Variants in IL4I1 observed in about 807,000 individuals in gnomAD.
IL4I1 encodes interleukin 4 induced 1.
In IL4I1, 24 loss-of-function variants were observed where a neutral mutation model predicts 29.7. The ratio of observed to expected loss-of-function variants is 0.81; its 90% CI spans 0.59 to 1.14. IL4I1 has a LOEUF of 1.14. Ranked by LOEUF, IL4I1 falls within the 50% of genes most tolerant of loss-of-function variation. IL4I1 has a pLI of 0.00. For synonymous variants in IL4I1, 371 were observed against 352.5 expected (o/e 1.05, Z -0.59); for missense variants, 686 against 785.6 (o/e 0.87, Z 1.52).
At position 49,890,947 on chromosome 19, in the gene IL4I1, CTGCCCGCCA is replaced by C; in HGVS notation, c.773+15_773+23del. 1.6e-6 allele frequency: 1 copy of C among 618,566 alleles called. No individual in the cohort carries two copies. Among genetic ancestry groups the C allele is most frequent in the Non-Finnish European group, 2.2e-6 (1 of 461,558 alleles). 38.3% of individuals were successfully genotyped at this position (618,566 alleles called of 1,614,324 possible). A position where few individuals can be genotyped will look rare whatever the true frequency, so the allele number is the denominator to read the frequency against. ...CCTGATTGCCCCCCGCCCCCCCCCC[CTGCCCGCCA>C]GCCCCGCCCCTTACTGGAGTCTGTC... is the stretch of plus-strand genomic sequence containing the variant. On this transcript the variant is annotated intron_variant, in intron 7 of 7. Transcript: ENST00000391826.
chr19:49,923,966 G>A (rs1350108224), intron 2 of IL4I1, among the ~76,000 whole-genome samples: 2 of 152,238 alleles, frequency 1.3e-5, no homozygotes, highest in African/African-American at 2.4e-5. Flanking sequence ...TGCAAAACTC[G>A]GAGCCTTTTC....
At chr19:49,908,593 G>C (rs1161885219) in intron 2 of IL4I1, 1 of 1,614,062 alleles carries the variant, frequency 6.2e-7, no homozygotes, top group Non-Finnish European at 8.5e-7. Context: ...GGCTCAGCAG[G>C]TCTTCCAGCT....
intron 2 of IL4I1, chr19:49,908,960 C>T: frequency 6.2e-7 from 1 of 1,605,828 alleles, no homozygotes; most frequent in Admixed American, 1.7e-5. Context: ...GCTGCTGCTG[C>T]TGGTGGTGGT....
Position 49,894,396 on chromosome 19 carries a change from T to C in IL4I1, c.439A>G (p.Thr147Ala). The C allele has an allele frequency of 6.2e-7, 1 of 1,614,222 alleles. No individual in the cohort carries two copies. The highest frequency in any genetic ancestry group is 1.1e-5 in the South Asian group (1 of 91,088). ...CGCAGCTTCACTTCGTGCACCTCCG[T>C]CCACGTGTTCTTGTCGTACTGGGTG... is the stretch of plus-strand genomic sequence containing the variant. Reference protein sequence around the residue: ...KFTQYDKNTWTEVHEVKLRNY... With the variant: ...KFTQYDKNTWAEVHEVKLRNY... The change falls in exon 5 of 8, where the codon ACG becomes GCG. Residue 147 changes from threonine to alanine, a missense_variant. Transcript: ENST00000391826.
intron 2 of IL4I1, among the ~76,000 whole-genome samples, chr19:49,925,734 C>T (rs1194771282): frequency 6.6e-6 from 1 of 152,088 alleles, no homozygotes; most frequent in African/African-American, 2.4e-5. Flanking sequence ...TGGTCAGAAT[C>T]AAGAATGGCA....
chr19:49,926,068 G>A (rs1050685694), intron 2 of IL4I1, among the ~76,000 whole-genome samples: 1 of 151,876 alleles, frequency 6.6e-6, no homozygotes, highest in Non-Finnish European at 1.5e-5. Context: ...AATTAGCCAG[G>A]CATGATGGTG....
At chr19:49,900,801 T>C (rs532700370), upstream of IL4I1, among the ~76,000 whole-genome samples, 1 of 151,958 alleles carries the variant, frequency 6.6e-6, no homozygotes, top group East Asian at 1.9e-4. Flanking sequence ...TTTGATGGAG[T>C]TTCTGGAAAA....
At position 49,889,687 on chromosome 19, in the gene IL4I1, T is replaced by G. The variant is rs1220171295; in HGVS notation, c.1687A>C (p.Thr563Pro). Reference sequence around the variant, plus strand: ...AAAATACTTTAATGCGAGGTCCTCGTGTGGGTCGTGTTTTGGAGAGATAAC... The same window carrying G: ...AAAATACTTTAATGCGAGGTCCTCGGGTGGGTCGTGTTTTGGAGAGATAAC... The part of the protein sequence containing the change: ...GQLSLQNTTH[T>P]RTSH The change falls in exon 8 of 8, where the codon ACG (threonine) becomes CCG (proline). Residue 563 changes from threonine to proline, a missense_variant. Coordinates refer to ENST00000391826, the MANE Select transcript of IL4I1 (RefSeq NM_152899.2). The G allele has an allele frequency of 6.7e-7, 1 of 1,499,230 alleles. No homozygotes were observed. The highest frequency in any genetic ancestry group is 2.3e-5 in the East Asian group (1 of 43,158). 92.9% of individuals were successfully genotyped at this position (1,499,230 alleles called of 1,614,324 possible).
At chr19:49,891,860 C>CG in intron 5 of IL4I1, among the ~76,000 whole-genome samples, 1 of 152,254 alleles carries the variant, frequency 6.6e-6, no homozygotes, top group East Asian at 1.9e-4. Context: ...TGTGTCCTCC[C>CG]GGGGGCTCAG....
intron 5 of IL4I1, among the ~76,000 whole-genome samples, 189 bp downstream of exon 5, chr19:49,894,079 T>G (rs925955983): frequency 5.3e-5 from 8 of 151,720 alleles, no homozygotes; most frequent in Non-Finnish European, 1.0e-4. Context: ...TTCTCGGATT[T>G]CAGTGAGTAG....
chr19:49,895,793 GAC>G lies in IL4I1; in HGVS notation c.252+20_252+21del. On this transcript the variant is annotated intron_variant, in intron 3 of 7. Transcript: ENST00000391826. ...CCTGCAGCAGGAGGGACTCCAGGTAGACTGCAAGCAGTGCTTCCCACCTTGTG... is the reference window on the plus strand; with the variant it reads ...CCTGCAGCAGGAGGGACTCCAGGTAGTGCAAGCAGTGCTTCCCACCTTGTG... 6.2e-7 allele frequency: 1 copy of G among 1,601,074 alleles called. No individual in the cohort carries two copies. Among genetic ancestry groups the G allele is most frequent in the South Asian group, 1.1e-5 (1 of 90,816 alleles).
Position 49,890,479 on chromosome 19 carries a change from C to G in IL4I1, c.895G>C (p.Val299Leu). ...AMTQGPHDVH[V>L]QIETSPPARN... is the part of the protein sequence containing the mutation. ...GCCGGGGGAGAGGTCTCGATCTGCA[C>G]GTGCACATCGTGCGGTCCCTGGGTC... Residue 299 changes from valine to leucine, a missense_variant, in exon 8 of 8, where the codon GTG becomes CTG. Val to Leu is a conservative substitution (Grantham distance 32). Coordinates refer to ENST00000391826, the MANE Select transcript of IL4I1 (RefSeq NM_152899.2). The G allele has an allele frequency of 6.2e-7, 1 of 1,611,890 alleles. No individual in the cohort carries two copies. Among genetic ancestry groups the G allele is most frequent in the Non-Finnish European group, 8.5e-7 (1 of 1,179,826 alleles).
At chr19:49,929,147 G>C (rs1167601344) in intron 1 of IL4I1, 1 of 152,172 alleles carries the variant, frequency 6.6e-6, no homozygotes, top group Non-Finnish European at 1.5e-5. Context: ...GGAAGGATCC[G>C]GGAGGGCCGT....
Position 49,925,498 on chromosome 19 carries a change from G to A in IL4I1, c.-228+2196C>T, listed in dbSNP as rs551755438. 1.3e-3 allele frequency among the ~76,000 whole-genome samples: 187 copies of A among 148,710 alleles called. 3 individuals are homozygous for A. Among genetic ancestry groups the A allele is most frequent in the African/African-American group, 4.1e-3 (164 of 40,144 alleles). ...TACCTGGCCATCCTCTCAATATCCC[G>A]CAATCCCAGTCTGAGACAAAACCAA... On this transcript the variant is annotated intron_variant, in intron 2 of 9. Coordinates refer to the IL4I1 transcript ENST00000341114.
chr19:49,924,920 C>T (rs1336669112), intron 2 of IL4I1, among the ~76,000 whole-genome samples: 1 of 152,170 alleles, frequency 6.6e-6, no homozygotes, highest in Non-Finnish European at 1.5e-5. Flanking sequence ...CAGCATAAAC[C>T]GCACATAGCC....
rs1275375469 is a variant in IL4I1 at position 49,896,832 on chromosome 19, T to C, written c.-23+3A>G. The C allele has an allele frequency of 1.7e-5, 17 of 986,294 alleles. No homozygotes were observed. The highest frequency in any genetic ancestry group is 1.9e-5 in the Non-Finnish European group (16 of 830,622). The allele number at this position is 986,294 out of a possible 1,614,324, so 61.1% of individuals were successfully genotyped here. A position where few individuals can be genotyped will look rare whatever the true frequency, so the allele number is the denominator to read the frequency against. Reference sequence around the variant, plus strand: ...GTCCCCCCACCACTGGCCGTGTCACTACCTCCAGCTCTTGGTGACAGCAGG... The same window carrying C: ...GTCCCCCCACCACTGGCCGTGTCACCACCTCCAGCTCTTGGTGACAGCAGG... On this transcript the variant is annotated splice_donor_region_variant and intron_variant, in intron 1 of 7. Coordinates refer to ENST00000391826, the MANE Select transcript of IL4I1 (RefSeq NM_152899.2).
chr19:49,927,251 G>C (rs1166058356), intron 2 of IL4I1, among the ~76,000 whole-genome samples: 1 of 152,154 alleles, frequency 6.6e-6, no homozygotes, highest in African/African-American at 2.4e-5. Flanking sequence ...GCTAGTAAGA[G>C]GGGTGCAGTC....
Position 49,902,812 on chromosome 19 carries a change from G to C in IL4I1, c.-104-991C>G, listed in dbSNP as rs192234199. Among the ~76,000 whole-genome samples, 18 of 148,784 alleles carry C rather than the reference G, an allele frequency of 1.2e-4. No homozygotes were observed. In the East Asian group the frequency reaches 3.4e-3, roughly 28 times the overall value. On this transcript the variant is annotated intron_variant, in intron 3 of 9. Coordinates refer to the IL4I1 transcript ENST00000341114. ...GCCACTCCAGCCTAGGCGACAGAGCGGGACTGCATCTCAAAAAAAAAAGGC... is the reference window on the plus strand; with the variant it reads ...GCCACTCCAGCCTAGGCGACAGAGCCGGACTGCATCTCAAAAAAAAAAGGC...
At chr19:49,910,388 T>G (rs1014843129) in intron 2 of IL4I1, among the ~76,000 whole-genome samples, 61 of 152,122 alleles carry the variant, frequency 4.0e-4, no homozygotes, top group Admixed American at 1.2e-3. Flanking sequence ...GGGTCTGGGT[T>G]GCTGAAGGCC....
Sources: allele counts gnomAD v4.1 joint callset (sites outside exome capture counted in the v4.1 genomes callset), GRCh38; gene constraint gnomAD v4.1.1; transcripts MANE v1.5; gene names NCBI Gene and HGNC (gene_info 2026-07-23, HGNC 2026-07-21).